The following SDK1 variants were observed in gnomAD, a reference collection of about 807,000 sequenced individuals.
SDK1 encodes the protein protein sidekick-1.
Under a neutral mutation model 245.5 loss-of-function variants are expected in SDK1, and 157 were observed. The observed-to-expected ratio is 0.64, with a 90% confidence interval of 0.56 to 0.73. SDK1 has a LOEUF of 0.73. Ranked by LOEUF, SDK1 falls within the 30% of genes least tolerant of loss-of-function variation. The probability of loss-of-function intolerance (pLI) is 0.00; values close to 1 mark genes in which losing one functional copy is unlikely to be tolerated. For missense variants in SDK1, 3,583 were observed against 3,002.3 expected (o/e 1.19, Z -4.52); for synonymous variants, 1,647 against 1,278.5 (o/e 1.29, Z -6.15).
chr7:3,814,174 TA>T (rs1348842520), intron 4 of SDK1, among the ~76,000 whole-genome samples: 1 of 151,292 alleles, frequency 6.6e-6, no homozygotes, highest in Non-Finnish European at 1.5e-5. Flanking sequence ...GTTTTGGACA[TA>T]AAGTCCTTGC....
intron 23 of SDK1, among the ~76,000 whole-genome samples, chr7:4,111,190 G>A (rs1439579662): frequency 6.6e-6 from 1 of 152,170 alleles, no homozygotes; most frequent in Non-Finnish European, 1.5e-5. Context: ...CAGGGCCCAG[G>A]AGCTGCTAGT....
intron 4 of SDK1, among the ~76,000 whole-genome samples, chr7:3,651,708 C>G (rs1783019159): frequency 6.6e-6 from 1 of 152,026 alleles, no homozygotes; most frequent in African/African-American, 2.4e-5. Flanking sequence ...AAAGTAAATC[C>G]AAATCTATAC....
Position 4,116,329 on chromosome 7 carries a change from A to G in SDK1, c.3823+2055A>G, listed in dbSNP as rs551472562. Among the ~76,000 whole-genome samples, 135 of 152,212 alleles carry G rather than the reference A, an allele frequency of 8.9e-4. 1 individual carries two copies. The highest frequency in any genetic ancestry group is 3.1e-3 in the African/African-American group (127 of 41,542). ...CCAACACCACCCCTCCACCCTCGAG[A>G]CAGCCAGGCCGGGGTGAGGAGTCTG... is the stretch of plus-strand genomic sequence containing the variant. On this transcript the variant is annotated intron_variant, in intron 25 of 44. Coordinates refer to ENST00000404826, the MANE Select transcript of SDK1 (RefSeq NM_152744.4).
intron 1 of SDK1, among the ~76,000 whole-genome samples, chr7:3,443,942 T>C (rs2128589427): frequency 6.6e-6 from 1 of 152,344 alleles, no homozygotes; most frequent in East Asian, 1.9e-4. Flanking sequence ...TATTAACAAA[T>C]GGTTTAATAA....
chr7:3,392,866 GATGGAC>G (rs2128570794), intron 1 of SDK1, among the ~76,000 whole-genome samples: 1 of 151,214 alleles, frequency 6.6e-6, no homozygotes, highest in Admixed American at 6.6e-5. Flanking sequence ...TTCATTTGTT[GATGGAC>G]ACTTGGGTTG....
chr7:3,804,739 G>C (rs1779197269), intron 4 of SDK1, among the ~76,000 whole-genome samples: 1 of 151,866 alleles, frequency 6.6e-6, no homozygotes. Flanking sequence ...TCTTTCTTTA[G>C]TATTTTTGTA....
intron 8 of SDK1, among the ~76,000 whole-genome samples, chr7:3,959,336 GTGACC>G (rs2128128555): frequency 6.6e-6 from 1 of 152,296 alleles, no homozygotes; most frequent in South Asian, 2.1e-4. Flanking sequence ...TCACAAGTGT[GTGACC>G]CCCCGAGATT....
intron 1 of SDK1, among the ~76,000 whole-genome samples, chr7:3,609,639 A>G (rs1218364190): frequency 1.3e-5 from 2 of 152,028 alleles, no homozygotes; most frequent in African/African-American, 4.8e-5. Flanking sequence ...TGATCTTATG[A>G]TCTGTCCACC....
In SDK1 at chr7:4,145,917, G is replaced by GT; in HGVS notation, c.4423+2dup. 1 of 1,600,884 alleles carries GT rather than the reference G, an allele frequency of 6.2e-7. No homozygotes were observed. The highest frequency in any genetic ancestry group is 8.5e-7 in the Non-Finnish European group (1 of 1,174,032). ...ACCGTCATCACCACCGAGAAGAGAG[G>GT]TAAGACCTTGGGGGACCCGGGGGTA... On this transcript the variant is annotated splice_donor_variant, in intron 29 of 44. Coordinates refer to ENST00000404826, the MANE Select transcript of SDK1 (RefSeq NM_152744.4). LOFTEE classifies it high-confidence loss of function.
intron 5 of SDK1, among the ~76,000 whole-genome samples, chr7:3,938,660 A>T (rs943631472): frequency 6.6e-6 from 1 of 151,276 alleles, no homozygotes; most frequent in African/African-American, 2.4e-5. Flanking sequence ...AAAAAAAAAA[A>T]GAGATCCTCA....
intron 2 of SDK1, among the ~76,000 whole-genome samples, chr7:3,622,145 A>T (rs2128645488): frequency 6.6e-6 from 1 of 152,232 alleles, no homozygotes; most frequent in Middle Eastern, 3.4e-3. Context: ...GTTTATTGGG[A>T]CATAACACCT....
chr7:3,707,539 A>G (rs1208384224), intron 4 of SDK1, among the ~76,000 whole-genome samples: 2 of 152,160 alleles, frequency 1.3e-5, no homozygotes, highest in Admixed American at 6.5e-5. Flanking sequence ...TCTTGGGTAG[A>G]ATGTTCTGTA....
intron 4 of SDK1, among the ~76,000 whole-genome samples, chr7:3,806,436 G>C (rs1779249642): frequency 6.6e-6 from 1 of 152,224 alleles, no homozygotes; most frequent in Non-Finnish European, 1.5e-5. Flanking sequence ...AGGCTCATGT[G>C]ACCCAACAGA....
In SDK1 at chr7:3,391,304, T is replaced by C. The variant is rs368362378; in HGVS notation, c.298+89420T>C. On this transcript the variant is annotated intron_variant, in intron 1 of 44. Transcript: ENST00000404826. ...AATGACTTTTCTGTCATTCTTTACC[T>C]CCATCCTATCAAGCACACATGACCT... Among the ~76,000 whole-genome samples, 21 of 152,300 alleles carry C rather than the reference T, an allele frequency of 1.4e-4. No homozygotes were observed. In the East Asian group the frequency reaches 3.5e-3, roughly 25 times the overall value.
intron 32 of SDK1, among the ~76,000 whole-genome samples, chr7:4,172,176 A>C (rs1191920114): frequency 6.6e-6 from 1 of 152,190 alleles, no homozygotes; most frequent in Non-Finnish European, 1.5e-5. Context: ...GGAGCATCAC[A>C]GGGGTGTCAG....
At position 3,841,497 on chromosome 7, in the gene SDK1, C is replaced by T. The variant is rs537727884; in HGVS notation, c.847+19914C>T. Among the ~76,000 whole-genome samples, 426 of 152,248 alleles carry T rather than the reference C, an allele frequency of 2.8e-3. 3 individuals carry two copies. Among genetic ancestry groups the T allele is most frequent in the African/African-American group, 1.0e-2 (415 of 41,538 alleles). Reference sequence around the variant, plus strand: ...TAATGAGTTTCTGGGCCCCAGTAGACACTGAGCTCCAGGTGGCTAGAACCA... The same window carrying T: ...TAATGAGTTTCTGGGCCCCAGTAGATACTGAGCTCCAGGTGGCTAGAACCA... On this transcript the variant is annotated intron_variant, in intron 5 of 44. Transcript: ENST00000404826.
intron 1 of SDK1, among the ~76,000 whole-genome samples, chr7:3,586,704 CAAAAAAA>C (rs57309941): frequency 2.4e-5 from 2 of 82,188 alleles, no homozygotes; most frequent in Non-Finnish European, 2.5e-5. Context: ...GACTCCGTCT[CAAAAAAA>C]AAAAAAAAAA....
chr7:3,682,690 G>A (rs1010580588), intron 4 of SDK1, among the ~76,000 whole-genome samples: 1 of 151,164 alleles, frequency 6.6e-6, no homozygotes, highest in African/African-American at 2.4e-5. Context: ...CTCTCAGAAG[G>A]GGGGATCTCA....
intron 4 of SDK1, among the ~76,000 whole-genome samples, chr7:3,788,128 A>G (rs1212304564): frequency 1.3e-5 from 2 of 152,108 alleles, no homozygotes; most frequent in African/African-American, 4.8e-5. Context: ...CTTCGATTGA[A>G]GCAGGAAGCC....
Sources: allele counts gnomAD v4.1 joint callset (sites outside exome capture counted in the v4.1 genomes callset), GRCh38; gene constraint gnomAD v4.1.1; transcripts MANE v1.5; gene names NCBI Gene and HGNC (gene_info 2026-07-23, HGNC 2026-07-21).